The following FILIP1L variants were observed in gnomAD, a reference collection of about 807,000 sequenced individuals.
FILIP1L encodes filamin A interacting protein 1 like, also known as filamin A-interacting protein 1-like.
A neutral mutation model predicts 96.6 loss-of-function variants in FILIP1L; 55 were observed. The ratio of observed to expected loss-of-function variants is 0.57; its 90% CI spans 0.46 to 0.71. The LOEUF is 0.71. Among genes scored for constraint, FILIP1L ranks in the 30% least tolerant of loss-of-function variants. The pLI, the probability that FILIP1L is intolerant of heterozygous loss-of-function variation, is 0.00. For missense variants in FILIP1L, 1,304 were observed against 1,321.2 expected (o/e 0.99, Z 0.20); for synonymous variants, 467 against 473.9 (o/e 0.99, Z 0.19).
intron 1 of FILIP1L, among the ~76,000 whole-genome samples, chr3:99,966,938 T>C (rs1468090072): frequency 6.6e-6 from 1 of 152,182 alleles, no homozygotes; most frequent in Non-Finnish European, 1.5e-5. Context: ...TATGCCTGAC[T>C]GAACCTCTGT....
chr3:99,914,113 A>G (rs1026887968), intron 4 of FILIP1L, among the ~76,000 whole-genome samples: 2 of 152,218 alleles, frequency 1.3e-5, no homozygotes, highest in Non-Finnish European at 2.9e-5. Flanking sequence ...ACTATTTTCA[A>G]CAAATCAGAC....
intron 3 of FILIP1L, 95 bp from the exon 4 acceptor site, chr3:99,924,503 A>G: frequency 7.7e-7 from 1 of 1,305,904 alleles, no homozygotes; most frequent in Admixed American, 2.2e-5. Context: ...TTAATTCGGC[A>G]GTGGGTTTTT....
intron 1 of FILIP1L, among the ~76,000 whole-genome samples, chr3:100,095,223 C>T (rs761366116): frequency 1.1e-3 from 160 of 152,260 alleles, no homozygotes; most frequent in Admixed American, 2.3e-3. Context: ...ATTTACCTTT[C>T]CCTTTCCATA....
intron 1 of FILIP1L, among the ~76,000 whole-genome samples, chr3:99,972,437 C>T (rs777472889): frequency 1.3e-5 from 2 of 152,210 alleles, no homozygotes; most frequent in African/African-American, 2.4e-5. Context: ...GAAACGTCCC[C>T]GTCCCCATTT....
intron 5 of FILIP1L, among the ~76,000 whole-genome samples, chr3:99,832,661 G>T (rs1359072401): frequency 1.4e-5 from 2 of 147,648 alleles, no homozygotes; most frequent in East Asian, 4.1e-4. Context: ...TGGCCAACAC[G>T]GTGAAACCCT....
intron 1 of FILIP1L, among the ~76,000 whole-genome samples, chr3:99,996,153 C>G (rs1388939107): frequency 6.6e-6 from 1 of 152,152 alleles, no homozygotes; most frequent in African/African-American, 2.4e-5. Context: ...CCCAGGTCAC[C>G]TCTTGAATGC....
In FILIP1L at chr3:99,857,188, A is replaced by T. The variant is rs930394122; in HGVS notation, c.606-6118T>A. Among the ~76,000 whole-genome samples, 8 of 147,658 alleles carry T rather than the reference A, an allele frequency of 5.4e-5. No homozygotes were observed. The East Asian group carries it at 9.7e-4, about 18-fold the overall frequency. The stretch of plus-strand genomic sequence containing the variant: ...GTAGTTTTATTCACTATTTAAGAGG[A>T]TGCTCTAATATTTACCATGTACATG... On this transcript the variant is annotated intron_variant, in intron 4 of 5. Coordinates refer to ENST00000477258, the MANE Select transcript of FILIP1L (RefSeq NM_001387850.1).
intron 4 of FILIP1L, among the ~76,000 whole-genome samples, chr3:99,896,135 G>A (rs940646052): frequency 5.9e-5 from 9 of 152,160 alleles, no homozygotes; most frequent in Non-Finnish European, 1.2e-4. Flanking sequence ...GAAAACAGAA[G>A]TGTGAATAAC....
At chr3:99,905,340 G>A (rs1706579816) in intron 4 of FILIP1L, among the ~76,000 whole-genome samples, 1 of 152,074 alleles carries the variant, frequency 6.6e-6, no homozygotes, top group Non-Finnish European at 1.5e-5. Context: ...TATCTCACCA[G>A]TTCCTCAACC....
At chr3:100,007,803 A>G (rs1366112949) in intron 1 of FILIP1L, among the ~76,000 whole-genome samples, 2 of 152,212 alleles carry the variant, frequency 1.3e-5, no homozygotes, top group Non-Finnish European at 2.9e-5. Context: ...ATCTAGTGGT[A>G]ACAGGGAATT....
At chr3:99,832,452 G>C (rs770096680) in intron 5 of FILIP1L, among the ~76,000 whole-genome samples, 5 of 146,454 alleles carry the variant, frequency 3.4e-5, no homozygotes, top group Non-Finnish European at 7.5e-5. Flanking sequence ...GGATGATCTC[G>C]ATCTCCTGAC....
chr3:99,947,579 C>T (rs1411620866), intron 1 of FILIP1L, among the ~76,000 whole-genome samples: 1 of 152,118 alleles, frequency 6.6e-6, no homozygotes, highest in Non-Finnish European at 1.5e-5. Context: ...GAGAACTGTC[C>T]TCGGCTGAGA....
At chr3:100,101,124 T>C (rs2066297920) in intron 1 of FILIP1L, among the ~76,000 whole-genome samples, 1 of 152,146 alleles carries the variant, frequency 6.6e-6, no homozygotes, top group African/African-American at 2.4e-5. Flanking sequence ...TAGACTATGG[T>C]GAAAAGTAAA....
chr3:99,965,438 C>A (rs1434024970), intron 1 of FILIP1L, among the ~76,000 whole-genome samples: 1 of 152,224 alleles, frequency 6.6e-6, no homozygotes, highest in Non-Finnish European at 1.5e-5. Flanking sequence ...GCATGTTCTT[C>A]AAGGTCATGA....
At chr3:99,956,373 G>T (rs1228560033) in intron 1 of FILIP1L, among the ~76,000 whole-genome samples, 2 of 152,140 alleles carry the variant, frequency 1.3e-5, no homozygotes, top group African/African-American at 4.8e-5. Context: ...GTTTTTGTGA[G>T]ATGGACTTTT....
intron 4 of FILIP1L, among the ~76,000 whole-genome samples, chr3:99,854,548 CT>C (rs2107537592): frequency 6.6e-6 from 1 of 152,278 alleles, no homozygotes; most frequent in Non-Finnish European, 1.5e-5. Flanking sequence ...GCCAGGGTTT[CT>C]CCATCTTCAG....
At chr3:100,102,126 G>A (rs533142123) in intron 1 of FILIP1L, among the ~76,000 whole-genome samples, 94 of 152,264 alleles carry the variant, frequency 6.2e-4, no homozygotes, top group South Asian at 1.7e-3. Context: ...AATCCTTTGG[G>A]TATATACCCA....
intron 1 of FILIP1L, among the ~76,000 whole-genome samples, chr3:99,940,567 C>G (rs906330318): frequency 1.3e-5 from 2 of 152,232 alleles, no homozygotes; most frequent in African/African-American, 4.8e-5. Context: ...GAAGGCAGGT[C>G]TCTTGCCTAC....
intron 1 of FILIP1L, among the ~76,000 whole-genome samples, chr3:100,017,251 A>ATTATACAG (rs1310464426): frequency 6.6e-6 from 1 of 152,240 alleles, no homozygotes; most frequent in Non-Finnish European, 1.5e-5. Flanking sequence ...CAGTTGGTCC[A>ATTATACAG]TTATACAGAG....
Sources: gnomAD v4.1 joint callset for allele counts (sites outside exome capture counted in the v4.1 genomes callset) on GRCh38, gnomAD v4.1.1 for gene constraint, MANE v1.5 for transcripts, NCBI Gene and HGNC (gene_info 2026-07-23, HGNC 2026-07-21) for gene names.